RNF17: variants seen among roughly 807,000 people sequenced by gnomAD.
RNF17 encodes spermatogenesis associated 23.
A neutral mutation model predicts 200.5 loss-of-function variants in RNF17; 31 were observed. The ratio of observed to expected loss-of-function variants is 0.15; its 90% confidence interval spans 0.12 to 0.21. RNF17 has a LOEUF of 0.21. Ranked by LOEUF, RNF17 falls within the 10% of genes least tolerant of loss-of-function variation. The pLI, the probability that RNF17 is intolerant of heterozygous loss-of-function variation, is 1.00. For missense variants in RNF17, 1,628 were observed against 1,905.1 expected, an observed-to-expected ratio of 0.85 and a Z score of 2.71; for synonymous variants, 606 against 637.8, an observed-to-expected ratio of 0.95 and a Z score of 0.75.
rs556938955 is a variant in RNF17 at position 24,765,206 on chromosome 13, A to G, written c.130+873A>G. ...AATTTTTTGTATATTTAGTAGAGAC[A>G]GGGTTTCACCGTGTTAGCCAGGATG... On this transcript the variant is annotated intron_variant, in intron 1 of 35. Coordinates refer to ENST00000255324, the MANE Select transcript of RNF17 (RefSeq NM_031277.3). 9.4e-3 allele frequency among the ~76,000 whole-genome samples: 1,429 copies of G among 152,158 alleles called. 33 individuals carry two copies. The highest frequency in any genetic ancestry group is 0.032 in the African/African-American group (1,330 of 41,494).
intron 15 of RNF17, among the ~76,000 whole-genome samples, chr13:24,822,002 G>C (rs1888115840): frequency 6.6e-6 from 1 of 152,286 alleles, no homozygotes. Context: ...AGAGAAAGGG[G>C]CTTCTGAAAG....
intron 1 of RNF17, among the ~76,000 whole-genome samples, chr13:24,764,620 C>T (rs2137851459): frequency 6.6e-6 from 1 of 152,324 alleles, no homozygotes; most frequent in Middle Eastern, 3.4e-3. Context: ...ATCTACTCCT[C>T]ACAAGGCAGG....
intron 2 of RNF17, 81 bp downstream of exon 2, chr13:24,767,447 C>G: frequency 9.8e-7 from 1 of 1,017,788 alleles, no homozygotes; most frequent in Non-Finnish European, 1.5e-6. Flanking sequence ...AAACGTACTT[C>G]TAGTTAGAAA....
chr13:24,794,808 C>T (rs1247024603), intron 10 of RNF17, among the ~76,000 whole-genome samples: 5 of 152,196 alleles, frequency 3.3e-5, no homozygotes, highest in African/African-American at 1.2e-4. Context: ...CTGCAACCTC[C>T]TCAGGCTCAA....
chr13:24,884,339 A>G (rs750428180), downstream of RNF17: 1 of 1,614,084 alleles, frequency 6.2e-7, no homozygotes, highest in Non-Finnish European at 8.5e-7. Flanking sequence ...TTGGTCTGGC[A>G]TGACCTGCTT....
the RNF17 span, among the ~76,000 whole-genome samples, chr13:24,758,333 G>A: frequency 6.6e-6 from 1 of 151,966 alleles, no homozygotes; most frequent in Non-Finnish European, 1.5e-5. Flanking sequence ...ATAATCAATT[G>A]TTCCATGCGT....
intron 10 of RNF17, chr13:24,794,406 G>T: frequency 3.0e-6 from 1 of 335,406 alleles, no homozygotes; most frequent in Non-Finnish European, 5.8e-6. Flanking sequence ...AGACACCATG[G>T]CTCACACCTG....
intron 15 of RNF17, among the ~76,000 whole-genome samples, chr13:24,813,698 A>G (rs1009579416): frequency 2.6e-5 from 4 of 151,464 alleles, no homozygotes; most frequent in Non-Finnish European, 5.9e-5. Context: ...TGGCAAGATC[A>G]TAGCTTACTG....
chr13:24,766,230 A>C (rs1035133818), intron 1 of RNF17, among the ~76,000 whole-genome samples: 8 of 152,264 alleles, frequency 5.3e-5, no homozygotes, highest in African/African-American at 1.9e-4. Flanking sequence ...ATAAATAAAT[A>C]AATAAAATTA....
intron 18 of RNF17, among the ~76,000 whole-genome samples, chr13:24,838,527 T>C (rs1566203420): frequency 1.3e-5 from 2 of 152,248 alleles, no homozygotes; most frequent in South Asian, 2.1e-4. Context: ...GGATGTAATA[T>C]ATGCAAGTCA....
At chr13:24,771,571 A>C (rs1289187711) in intron 2 of RNF17, among the ~76,000 whole-genome samples, 1 of 150,216 alleles carries the variant, frequency 6.7e-6, no homozygotes, top group East Asian at 1.9e-4. Context: ...ATTTTATTGC[A>C]TTTAGCCATT....
At chr13:24,811,663 C>T (rs534059941) in intron 15 of RNF17, among the ~76,000 whole-genome samples, 193 of 152,222 alleles carry the variant, frequency 1.3e-3, no homozygotes, top group African/African-American at 4.1e-3. Flanking sequence ...TTCTCCGTCC[C>T]GCTTTGTTCT....
the RNF17 span, among the ~76,000 whole-genome samples, chr13:24,757,724 T>C: frequency 6.6e-6 from 1 of 152,264 alleles, no homozygotes; most frequent in Non-Finnish European, 1.5e-5. Context: ...TTTCTATAAA[T>C]GTTTTCAAAA....
chr13:24,817,271 A>G (rs1338551356), intron 15 of RNF17, among the ~76,000 whole-genome samples: 1 of 152,008 alleles, frequency 6.6e-6, no homozygotes, highest in Non-Finnish European at 1.5e-5. Flanking sequence ...AGGTTTTTGA[A>G]TCCTGTTTGA....
At chr13:24,812,687 T>TCCCCCCCCCCCCCC (rs1566168476) in intron 15 of RNF17, among the ~76,000 whole-genome samples, 3 of 24,772 alleles carry the variant, frequency 1.2e-4, no homozygotes, top group Non-Finnish European at 1.8e-4. Context: ...CCACCCCCTT[T>TCCCCCCCCCCCCCC]TTTTTTTTTT....
intron 5 of RNF17, among the ~76,000 whole-genome samples, chr13:24,780,752 C>T (rs1256344627): frequency 6.6e-6 from 1 of 152,034 alleles, no homozygotes. Flanking sequence ...CATGGTGGCA[C>T]CCACCTGTAG....
intron 4 of RNF17, among the ~76,000 whole-genome samples, chr13:24,779,099 A>G (rs1455078097): frequency 6.6e-6 from 1 of 152,116 alleles, no homozygotes; most frequent in East Asian, 1.9e-4. Flanking sequence ...CGCAAGGCTG[A>G]GGCATGAGAA....
intron 13 of RNF17, among the ~76,000 whole-genome samples, chr13:24,802,080 G>A (rs1254356494): frequency 1.3e-5 from 2 of 151,870 alleles, no homozygotes; most frequent in East Asian, 1.9e-4. Flanking sequence ...TCTGCCTCCC[G>A]GGTTCAAGCA....
At chr13:24,772,856 C>G (rs955370365) in intron 2 of RNF17, among the ~76,000 whole-genome samples, 1 of 152,018 alleles carries the variant, frequency 6.6e-6, no homozygotes, top group East Asian at 1.9e-4. Context: ...ATGATCCGCC[C>G]GCCTCAGCCT....
Sources: gnomAD v4.1 joint callset for allele counts (sites outside exome capture counted in the v4.1 genomes callset) on GRCh38, gnomAD v4.1.1 for gene constraint, MANE v1.5 for transcripts, NCBI Gene and HGNC (gene_info 2026-07-23, HGNC 2026-07-21) for gene names.